Variants in CLEC2A observed in about 807,000 individuals in gnomAD.
The protein encoded by CLEC2A is C-type lectin domain family 2 member A.
In CLEC2A, 19 loss-of-function variants were observed where a neutral mutation model predicts 18.6. The ratio of observed to expected loss-of-function variants is 1.02; its 90% CI spans 0.71 to 1.50. The LOEUF is 1.50. Ranked by LOEUF, CLEC2A falls within the 40% of genes most tolerant of loss-of-function variation. CLEC2A has a pLI of 0.00. For missense variants in CLEC2A, 190 were observed against 207.9 expected, an observed-to-expected ratio of 0.91 and a Z score of 0.53; for synonymous variants, 74 against 64.0, an observed-to-expected ratio of 1.16 and a Z score of -0.75.
downstream of CLEC2A, among the ~76,000 whole-genome samples, chr12:9,893,702 TC>T (rs1213231372): frequency 1.3e-4 from 15 of 114,938 alleles, no homozygotes; most frequent in African/African-American, 3.7e-4. Context: ...CTTTCCTTCC[TC>T]CCTCCCTTTT....
chr12:9,927,752 G>T (rs1863299856), intron 1 of CLEC2A, among the ~76,000 whole-genome samples: 1 of 152,130 alleles, frequency 6.6e-6, no homozygotes. Flanking sequence ...TTTACAAAGA[G>T]AATGTTTGAT....
the CLEC2A span, among the ~76,000 whole-genome samples, chr12:9,880,461 C>T: frequency 2.6e-5 from 4 of 151,932 alleles, no homozygotes; most frequent in African/African-American, 9.7e-5. Context: ...CCCAGACACT[C>T]GGTGTTAAAT....
At chr12:9,916,946 A>G (rs113499307) in intron 3 of CLEC2A, 143 bp from the exon 4 acceptor site, 35 of 571,084 alleles carry the variant, frequency 6.1e-5, no homozygotes, top group African/African-American at 5.8e-4. Context: ...CAAACAGCAC[A>G]GATGTTGATG....
At chr12:9,926,487 C>T (rs915322316) in intron 1 of CLEC2A, 144 bp from the exon 2 acceptor site, 4 of 615,346 alleles carry the variant, frequency 6.5e-6, no homozygotes, top group African/African-American at 5.6e-5. Flanking sequence ...GGATAGCAAA[C>T]CATCAAAAAG....
At chr12:9,896,784 A>G (rs1160614777), downstream of CLEC2A, among the ~76,000 whole-genome samples, 4 of 152,124 alleles carry the variant, frequency 2.6e-5, no homozygotes, top group African/African-American at 9.7e-5. Context: ...ATCACCTCCA[A>G]ATATGTCCTT....
intron 4 of CLEC2A, among the ~76,000 whole-genome samples, chr12:9,906,811 G>C (rs1862914068): frequency 6.6e-6 from 1 of 152,178 alleles, no homozygotes; most frequent in Non-Finnish European, 1.5e-5. Context: ...AATCTGGTCT[G>C]ACTTTTGTGT....
chr12:9,881,792 G>T, the CLEC2A span: 4 of 725,276 alleles, frequency 5.5e-6, no homozygotes, highest in South Asian at 4.0e-5. Flanking sequence ...GTCATAAATT[G>T]TCTGTTAGAT....
rs189406513 is a variant in CLEC2A at position 9,924,298 on chromosome 12, T to C, written c.139+1962A>G. On this transcript the variant is annotated intron_variant, in intron 2 of 4. Coordinates refer to ENST00000455827, the MANE Select transcript of CLEC2A (RefSeq NM_001130711.2). ...CTGCTCTTTTTAATCAATGAATAAATGAACATAAAAACTTACTGTAGAAAC... is the reference window on the plus strand; with the variant it reads ...CTGCTCTTTTTAATCAATGAATAAACGAACATAAAAACTTACTGTAGAAAC... Among the ~76,000 whole-genome samples the C allele has an allele frequency of 2.2e-3, 336 of 151,742 alleles. 4 individuals are homozygous for C. The highest frequency in any genetic ancestry group is 7.8e-3 in the African/African-American group (321 of 41,068).
the CLEC2A span, chr12:9,893,458 A>G: frequency 6.7e-7 from 1 of 1,503,736 alleles, no homozygotes; most frequent in Non-Finnish European, 8.9e-7. Context: ...TAAAACCTGG[A>G]CATTTTGGTT....
rs187244992 is a variant in CLEC2A, at chr12:9,918,475, A to G, written c.307-1672T>C. Among the ~76,000 whole-genome samples, 193 of 152,294 alleles carry G rather than the reference A, an allele frequency of 1.3e-3. 1 individual carries two copies. Among genetic ancestry groups the G allele is most frequent in the South Asian group, 9.3e-3 (45 of 4,824 alleles). ...TGGTCTATGTGCCTGTTTTTGTACC[A>G]GTACCATGCTGTTTTGGTTACTGTA... On this transcript the variant is annotated intron_variant, in intron 3 of 4. Coordinates refer to ENST00000455827, the MANE Select transcript of CLEC2A (RefSeq NM_001130711.2).
chr12:9,926,671 T>C (rs1041549663), intron 1 of CLEC2A, among the ~76,000 whole-genome samples: 3 of 152,024 alleles, frequency 2.0e-5, no homozygotes, highest in Non-Finnish European at 4.4e-5. Context: ...ATAAAGATCA[T>C]CAAAAGGTCC....
At chr12:9,893,323 T>C in the CLEC2A span, 2,755 of 814,254 alleles carry the variant, frequency 3.4e-3, 18 homozygotes, top group Non-Finnish European at 3.5e-3. Flanking sequence ...TGCTAATGTA[T>C]ATGAAAAAAT....
intron 2 of CLEC2A, among the ~76,000 whole-genome samples, chr12:9,925,053 C>A (rs1047577411): frequency 6.6e-6 from 1 of 152,210 alleles, no homozygotes; most frequent in African/African-American, 2.4e-5. Context: ...TAGATCAAAC[C>A]TCTTTGCCTT....
At position 9,926,294 on chromosome 12, in the gene CLEC2A, A is replaced by T. The variant is rs1467324263; in HGVS notation, c.105T>A (p.Ser35Arg). Residue 35 changes from serine to arginine, a missense_variant, in exon 2 of 5, where the codon AGT becomes AGA. Ser to Arg is a moderately radical substitution (Grantham distance 110). Transcript: ENST00000455827. ...TAATGCAAACTGTAGTAATAATAAT[A>T]CTCAGGAAGCACATAAGGCCAATCT... ...NWKIGLMCFL[S>R]IIITTVCIIM... 1 of 1,549,312 alleles carries T rather than the reference A, an allele frequency of 6.5e-7. No individual in the cohort carries two copies.
At chr12:9,890,153 A>G in the CLEC2A span, among the ~76,000 whole-genome samples, 1 of 152,216 alleles carries the variant, frequency 6.6e-6, no homozygotes, top group Non-Finnish European at 1.5e-5. Context: ...AAATACTTCA[A>G]TATGTGAATC....
intron 4 of CLEC2A, among the ~76,000 whole-genome samples, chr12:9,901,255 GAGATC>G (rs1482798217): frequency 1.1e-4 from 17 of 152,146 alleles, no homozygotes; most frequent in African/African-American, 3.9e-4. Flanking sequence ...AAAGTTATCA[GAGATC>G]TGTATTTAAG....
At chr12:9,894,032 CTT>C (rs1862721222), downstream of CLEC2A, among the ~76,000 whole-genome samples, 1 of 151,748 alleles carries the variant, frequency 6.6e-6, no homozygotes, top group Middle Eastern at 3.2e-3. Context: ...CTTTTCTTCT[CTT>C]TCTTTTTCTT....
downstream of CLEC2A, among the ~76,000 whole-genome samples, chr12:9,909,424 C>G (rs560911525): frequency 6.6e-6 from 1 of 152,324 alleles, no homozygotes; most frequent in South Asian, 2.1e-4. Context: ...GCCCCTTTCT[C>G]TCCCTGAAAA....
chr12:9,901,205 A>G (rs909375500), intron 4 of CLEC2A, among the ~76,000 whole-genome samples: 1 of 152,168 alleles, frequency 6.6e-6, no homozygotes. Context: ...GCTCTTCATG[A>G]CCCCTGTACA....
Sources: allele counts gnomAD v4.1 joint callset (sites outside exome capture counted in the v4.1 genomes callset), GRCh38; gene constraint gnomAD v4.1.1; transcripts MANE v1.5; gene names NCBI Gene and HGNC (gene_info 2026-07-23, HGNC 2026-07-21).